SYTL3: variants seen among roughly 807,000 people sequenced by gnomAD.
The protein encoded by SYTL3 is synaptotagmin like 3.
A neutral mutation model predicts 82.1 loss-of-function variants in SYTL3; 88 were observed. The ratio of observed to expected loss-of-function variants is 1.07; its 90% confidence interval spans 0.90 to 1.28. The LOEUF (loss-of-function observed/expected upper bound fraction) is 1.28, where lower values mean the gene tolerates loss of function less well. SYTL3 is among the 50% of genes most tolerant of loss of function. The pLI is 0.00. For synonymous variants in SYTL3, 311 were observed against 289.4 expected (o/e 1.07, Z -0.76); for missense variants, 831 against 757.6 (o/e 1.10, Z -1.14).
chr6:158,658,690 C>T (rs566446117), intron 2 of SYTL3, among the ~76,000 whole-genome samples: 9 of 152,034 alleles, frequency 5.9e-5, no homozygotes, highest in African/African-American at 1.7e-4. Flanking sequence ...TTTGGGAGGT[C>T]GAGGTGGGAG....
At chr6:158,684,483 A>ACAGGCAC (rs371825411) in intron 6 of SYTL3, among the ~76,000 whole-genome samples, 2,294 of 152,288 alleles carry the variant, frequency 0.015, 54 homozygotes, top group African/African-American at 0.052. Context: ...AAAGGCGCAC[A>ACAGGCAC]CAGGCACCGT....
chr6:158,752,964 G>A (rs919277612), intron 13 of SYTL3, among the ~76,000 whole-genome samples: 4 of 151,936 alleles, frequency 2.6e-5, no homozygotes, highest in Admixed American at 6.6e-5. Context: ...GGGAAACTGA[G>A]ACCTAGAGAG....
chr6:158,753,810 A>AT (rs1201861921), intron 13 of SYTL3, among the ~76,000 whole-genome samples: 1 of 151,872 alleles, frequency 6.6e-6, no homozygotes, highest in Non-Finnish European at 1.5e-5. Context: ...TCTCAAAGAT[A>AT]TCACTTAAAA....
intron 8 of SYTL3, among the ~76,000 whole-genome samples, chr6:158,710,597 G>A (rs542978437): frequency 6.6e-6 from 1 of 152,214 alleles, no homozygotes; most frequent in Admixed American, 6.5e-5. Flanking sequence ...TGATGAGAAC[G>A]TGAACTACAC....
chr6:158,725,423 G>A, intron 10 of SYTL3, 80 bp from the exon 11 acceptor site: 1 of 1,504,030 alleles, frequency 6.6e-7, no homozygotes, highest in Non-Finnish European at 9.1e-7. Flanking sequence ...AGTCATAGAT[G>A]CTTGCTGAAG....
At chr6:158,696,556 A>T (rs568065626) in intron 6 of SYTL3, among the ~76,000 whole-genome samples, 2 of 152,156 alleles carry the variant, frequency 1.3e-5, no homozygotes, top group African/African-American at 4.8e-5. Flanking sequence ...AGCCACCCTA[A>T]TGGGTGTGAA....
chr6:158,750,319 A>G (rs560595378), intron 12 of SYTL3, among the ~76,000 whole-genome samples: 34 of 152,120 alleles, frequency 2.2e-4, no homozygotes, highest in Non-Finnish European at 4.1e-4. Flanking sequence ...TGTGATAGGG[A>G]AGTCACTGGT....
intron 11 of SYTL3, among the ~76,000 whole-genome samples, chr6:158,729,440 A>C (rs1331795468): frequency 6.6e-6 from 1 of 152,150 alleles, no homozygotes; most frequent in Non-Finnish European, 1.5e-5. Context: ...TGACTTATTC[A>C]GTTCCCAGAG....
rs759309403 is a variant in SYTL3, at chr6:158,752,038, C to CT, written c.1137+9dup. 1 of 1,586,406 alleles carries CT rather than the reference C, an allele frequency of 6.3e-7. No individual in the cohort carries two copies. The highest frequency in any genetic ancestry group is 1.9e-5 in the Admixed American group (1 of 53,556). ...TTTCAGGAGACCTTGAAGGTACTTG[C>CT]TGGACAGATATTCCTGTGCAGAGTC... On this transcript the variant is annotated intron_variant, in intron 13 of 17. Transcript: ENST00000611299.
intron 10 of SYTL3, among the ~76,000 whole-genome samples, chr6:158,720,543 A>G (rs1393147973): frequency 6.6e-6 from 1 of 152,086 alleles, no homozygotes; most frequent in Non-Finnish European, 1.5e-5. Flanking sequence ...TTCCCATAAG[A>G]AGGACAAATG....
chr6:158,728,074 G>A (rs1028295274), intron 11 of SYTL3, among the ~76,000 whole-genome samples: 1 of 152,108 alleles, frequency 6.6e-6, no homozygotes, highest in African/African-American at 2.4e-5. Context: ...AAATATTGGT[G>A]TCTTTTGATT....
chr6:158,742,112 G>C (rs1786999397), intron 11 of SYTL3, among the ~76,000 whole-genome samples: 1 of 152,120 alleles, frequency 6.6e-6, no homozygotes, highest in Non-Finnish European at 1.5e-5. Context: ...GCTCAAATTT[G>C]CTTTTTGTCT....
intron 6 of SYTL3, among the ~76,000 whole-genome samples, chr6:158,698,829 G>A (rs1229243871): frequency 1.1e-5 from 1 of 89,026 alleles, no homozygotes; most frequent in East Asian, 2.0e-4. Context: ...CATAAGGCCT[G>A]TTAAGGGGCA....
chr6:158,733,908 T>C lies in SYTL3; in HGVS notation c.855+8271T>C, dbSNP rs527603293. On this transcript the variant is annotated intron_variant, in intron 11 of 17. Coordinates refer to ENST00000611299, the MANE Select transcript of SYTL3 (RefSeq NM_001242394.2). ...GTCAGGAGATCAAGACCATCCTGGC[T>C]AACACGGTGAAACCCCGTCTCTACT... is the stretch of plus-strand genomic sequence containing the variant. 8.7e-4 allele frequency among the ~76,000 whole-genome samples: 132 copies of C among 151,194 alleles called. 5 individuals are homozygous for C. The South Asian group carries it at 0.026, about 30-fold the overall frequency.
At position 158,683,004 on chromosome 6, in the gene SYTL3, C is replaced by A. The variant is rs779522527; in HGVS notation, c.394+15C>A. On this transcript the variant is annotated intron_variant, in intron 6 of 17. Transcript: ENST00000611299. ...TCCAACTGGAGGTAAATGCTCTTTA[C>A]TTTTTTAGTAAAGTAAAATGATCTA... The A allele has an allele frequency of 8.9e-6, 14 of 1,572,290 alleles. 1 individual carries two copies. In the Middle Eastern group the frequency reaches 5.1e-4, roughly 57 times the overall value.
intron 6 of SYTL3, among the ~76,000 whole-genome samples, chr6:158,684,699 A>G (rs924905249): frequency 6.6e-6 from 1 of 152,168 alleles, no homozygotes; most frequent in African/African-American, 2.4e-5. Flanking sequence ...GTTGGCAGTA[A>G]AGGAAGCCAT....
intron 2 of SYTL3, among the ~76,000 whole-genome samples, chr6:158,656,771 G>A (rs1788731300): frequency 6.6e-6 from 1 of 151,988 alleles, no homozygotes; most frequent in Admixed American, 6.5e-5. Flanking sequence ...TATTGTTGTA[G>A]AAGGGCCTGA....
chr6:158,700,996 C>T (rs1781159435), intron 6 of SYTL3, among the ~76,000 whole-genome samples: 1 of 152,146 alleles, frequency 6.6e-6, no homozygotes, highest in Non-Finnish European at 1.5e-5. Context: ...AAGATGAGGC[C>T]ATGTCCTCAA....
chr6:158,651,051 G>A (rs773894142), intron 1 of SYTL3, among the ~76,000 whole-genome samples: 2 of 152,176 alleles, frequency 1.3e-5, no homozygotes, highest in African/African-American at 2.4e-5. Context: ...GAAGCATAAG[G>A]TTTTGGAGTT....
Sources: gnomAD v4.1 joint callset for allele counts (sites outside exome capture counted in the v4.1 genomes callset) on GRCh38, gnomAD v4.1.1 for gene constraint, MANE v1.5 for transcripts, NCBI Gene and HGNC (gene_info 2026-07-23, HGNC 2026-07-21) for gene names.